Variants in ADAMTS17 observed in about 807,000 individuals in gnomAD.
ADAMTS17 encodes A disintegrin and metalloproteinase with thrombospondin motifs 17.
Under a neutral mutation model 141.5 loss-of-function variants are expected in ADAMTS17, and 113 were observed. The ratio of observed to expected loss-of-function variants is 0.80; its 90% CI spans 0.69 to 0.93. ADAMTS17 has a LOEUF of 0.93. Among genes scored for constraint, ADAMTS17 ranks in the 40% least tolerant of loss-of-function variants. The pLI is 0.00. For missense variants in ADAMTS17, 1,659 were observed against 1,517.9 expected (o/e 1.09, Z -1.54); for synonymous variants, 768 against 630.6 (o/e 1.22, Z -3.27).
At chr15:100,259,073 T>C (rs996448654) in intron 6 of ADAMTS17, among the ~76,000 whole-genome samples, 1 of 152,204 alleles carries the variant, frequency 6.6e-6, no homozygotes, top group Admixed American at 6.5e-5. Flanking sequence ...AAGCCATTAA[T>C]TATTTCTTAG....
chr15:100,202,049 T>C (rs903291619), intron 7 of ADAMTS17, among the ~76,000 whole-genome samples: 13 of 152,154 alleles, frequency 8.5e-5, no homozygotes, highest in African/African-American at 2.9e-4. Context: ...AGAAGTTGCC[T>C]GGTGAGGGGG....
intron 18 of ADAMTS17, among the ~76,000 whole-genome samples, chr15:100,047,667 T>C (rs535483205): frequency 6.6e-6 from 1 of 152,236 alleles, no homozygotes; most frequent in African/African-American, 2.4e-5. Context: ...TGACCTCTCC[T>C]CCTCCATCGT....
At chr15:100,038,825 G>C (rs986367987) in intron 18 of ADAMTS17, among the ~76,000 whole-genome samples, 2 of 152,158 alleles carry the variant, frequency 1.3e-5, no homozygotes, top group African/African-American at 2.4e-5. Flanking sequence ...TTGGGTAAAT[G>C]CCTAGGCTGG....
intron 14 of ADAMTS17, among the ~76,000 whole-genome samples, chr15:100,096,920 C>T (rs1416096823): frequency 3.3e-5 from 5 of 152,196 alleles, no homozygotes; most frequent in Non-Finnish European, 7.3e-5. Flanking sequence ...CCAGTAGTCT[C>T]AGAACATACA....
intron 15 of ADAMTS17, among the ~76,000 whole-genome samples, chr15:100,072,647 G>C (rs1482429322): frequency 6.6e-6 from 1 of 152,140 alleles, no homozygotes; most frequent in African/African-American, 2.4e-5. Flanking sequence ...ACAAAAACAA[G>C]CAATGGGGAA....
chr15:100,248,438 G>A (rs1233824201), intron 7 of ADAMTS17, among the ~76,000 whole-genome samples: 30 of 152,152 alleles, frequency 2.0e-4, no homozygotes, highest in Admixed American at 2.0e-3. Context: ...GTATGCATCT[G>A]GAAGAGGAAC....
intron 13 of ADAMTS17, among the ~76,000 whole-genome samples, chr15:100,115,314 C>G (rs2037046905): frequency 6.6e-6 from 1 of 152,192 alleles, no homozygotes; most frequent in Non-Finnish European, 1.5e-5. Context: ...GCACACGTTC[C>G]TTCTAGGAGG....
At chr15:100,226,242 C>T (rs576252250) in intron 7 of ADAMTS17, among the ~76,000 whole-genome samples, 1 of 152,356 alleles carries the variant, frequency 6.6e-6, no homozygotes, top group South Asian at 2.1e-4. Context: ...GTGATGTCAG[C>T]CCAGCCAGAG....
intron 20 of ADAMTS17, among the ~76,000 whole-genome samples, chr15:99,983,149 C>T (rs28678468): frequency 0.027 from 4,092 of 152,238 alleles, 173 homozygotes; most frequent in African/African-American, 0.093. Flanking sequence ...TTAATAATAA[C>T]AGTAACGGCA....
intron 15 of ADAMTS17, among the ~76,000 whole-genome samples, chr15:100,080,510 C>G (rs2034661837): frequency 6.6e-6 from 1 of 152,108 alleles, no homozygotes; most frequent in South Asian, 2.1e-4. Flanking sequence ...CTACAAATGA[C>G]CCAGACCATT....
chr15:100,227,783 T>C (rs1481654541), intron 7 of ADAMTS17, among the ~76,000 whole-genome samples: 2 of 152,192 alleles, frequency 1.3e-5, no homozygotes, highest in African/African-American at 2.4e-5. Context: ...TAAGTGATTA[T>C]CCAGGAAAAG....
intron 7 of ADAMTS17, among the ~76,000 whole-genome samples, chr15:100,199,995 A>C (rs2041263568): frequency 6.6e-6 from 1 of 152,246 alleles, no homozygotes; most frequent in Non-Finnish European, 1.5e-5. Context: ...GGAAGGCTGC[A>C]CAGAATGTTC....
chr15:100,210,481 C>A (rs1420287632), intron 7 of ADAMTS17, among the ~76,000 whole-genome samples: 1 of 152,056 alleles, frequency 6.6e-6, no homozygotes, highest in Non-Finnish European at 1.5e-5. Flanking sequence ...ACAACTCATC[C>A]GAGGTCAAAC....
intron 6 of ADAMTS17, among the ~76,000 whole-genome samples, chr15:100,256,078 T>G (rs1262616895): frequency 6.6e-6 from 1 of 152,204 alleles, no homozygotes; most frequent in Non-Finnish European, 1.5e-5. Flanking sequence ...AGGGGCTGCT[T>G]TATCTCCAGG....
In ADAMTS17 at chr15:100,060,788, C is replaced by T. The variant is rs376787553; in HGVS notation, c.2138-6734G>A. Among the ~76,000 whole-genome samples the T allele has an allele frequency of 3.9e-5, 6 of 152,186 alleles. No individual in the cohort carries two copies. The East Asian group carries it at 5.8e-4, about 15-fold the overall frequency. On this transcript the variant is annotated intron_variant, in intron 15 of 21. Coordinates refer to ENST00000268070, the MANE Select transcript of ADAMTS17 (RefSeq NM_139057.4). ...TGGTTTTGAGCAGAAAGCCAGCCAG[C>T]GTGGGCTGAAGGTAGGTGGGGTGAA...
chr15:100,081,961 C>T (rs1426653279), intron 15 of ADAMTS17, among the ~76,000 whole-genome samples: 1 of 152,186 alleles, frequency 6.6e-6, no homozygotes, highest in Non-Finnish European at 1.5e-5. Flanking sequence ...ACATATATTA[C>T]TATAATTTGA....
chr15:100,020,512 G>A (rs554777341), intron 18 of ADAMTS17, among the ~76,000 whole-genome samples: 2 of 152,236 alleles, frequency 1.3e-5, no homozygotes, highest in South Asian at 4.1e-4. Flanking sequence ...ACCTTTAACT[G>A]CAAGCTGCAG....
intron 10 of ADAMTS17, among the ~76,000 whole-genome samples, chr15:100,141,546 A>G (rs1274506305): frequency 1.3e-5 from 2 of 152,204 alleles, no homozygotes; most frequent in Non-Finnish European, 2.9e-5. Flanking sequence ...ATACTACTGC[A>G]GTGTGAAGTC....
chr15:100,236,786 T>A (rs1213371118), intron 7 of ADAMTS17, among the ~76,000 whole-genome samples: 2 of 152,098 alleles, frequency 1.3e-5, no homozygotes, highest in East Asian at 3.9e-4. Context: ...TGCAGTGAGC[T>A]ATGACTGCAC....
Sources: gnomAD v4.1 joint callset for allele counts (sites outside exome capture counted in the v4.1 genomes callset) on GRCh38, gnomAD v4.1.1 for gene constraint, MANE v1.5 for transcripts, NCBI Gene and HGNC (gene_info 2026-07-23, HGNC 2026-07-21) for gene names.